The following PPP1R2 variants were observed in gnomAD, a reference collection of about 807,000 sequenced individuals.
PPP1R2 encodes protein phosphatase 1 regulatory inhibitor subunit 2, also known as protein phosphatase inhibitor 2.
Under a neutral mutation model 29.9 loss-of-function variants are expected in PPP1R2, and 16 were observed. That is an observed-to-expected ratio of 0.53 (90% CI 0.36 to 0.81). PPP1R2 has a LOEUF of 0.81. PPP1R2 is among the 30% of genes least tolerant of loss of function. The pLI is 0.00. For missense variants in PPP1R2, 197 were observed against 252.7 expected (o/e 0.78, Z 1.49); for synonymous variants, 76 against 91.5 (o/e 0.83, Z 0.96).
At chr3:195,536,363 C>T (rs1017869877) in intron 1 of PPP1R2, among the ~76,000 whole-genome samples, 1 of 150,358 alleles carries the variant, frequency 6.7e-6, no homozygotes, top group Non-Finnish European at 1.5e-5. Context: ...CCAGTGTGTG[C>T]TTTAGCAATA....
intron 1 of PPP1R2, among the ~76,000 whole-genome samples, chr3:195,536,541 A>C (rs1028786028): frequency 2.4e-4 from 36 of 152,036 alleles, no homozygotes; most frequent in Admixed American, 1.8e-3. Context: ...ATTGAATTAA[A>C]AATGACAATT....
At chr3:195,524,594 T>C (rs1422414418) in intron 3 of PPP1R2, among the ~76,000 whole-genome samples, 3 of 152,120 alleles carry the variant, frequency 2.0e-5, no homozygotes, top group African/African-American at 7.2e-5. Flanking sequence ...ACGCTGGTCT[T>C]CCTGCCACCT....
intron 1 of PPP1R2, among the ~76,000 whole-genome samples, chr3:195,533,240 G>A (rs1397140927): frequency 1.3e-5 from 2 of 151,932 alleles, no homozygotes; most frequent in Non-Finnish European, 2.9e-5. Flanking sequence ...AGCTACTCAG[G>A]AGGCTGATGC....
intron 5 of PPP1R2, among the ~76,000 whole-genome samples, chr3:195,517,386 T>TA (rs973129015): frequency 1.3e-5 from 2 of 152,090 alleles, no homozygotes; most frequent in African/African-American, 2.4e-5. Flanking sequence ...CTATAGAACT[T>TA]AGAGATCTGA....
At chr3:195,532,699 G>A (rs1031824217) in intron 1 of PPP1R2, among the ~76,000 whole-genome samples, 4 of 151,786 alleles carry the variant, frequency 2.6e-5, no homozygotes, top group African/African-American at 4.8e-5. Context: ...ACTTATATGC[G>A]GATTTTTTTT....
Position 195,514,993 on chromosome 3 carries a change from T to C in PPP1R2, c.*1903A>G. ...TAAAGTCTTATCCTTTTCTTCACTC[T>C]ATGACAGCTACTTCTACAAAAAAAA... On this transcript the variant is annotated 3_prime_UTR_variant, in exon 6 of 6. Coordinates refer to ENST00000618156, the MANE Select transcript of PPP1R2 (RefSeq NM_006241.8). The C allele has an allele frequency of 4.6e-6, 1 of 218,210 alleles. No individual in the cohort carries two copies. Among genetic ancestry groups the C allele is most frequent in the Non-Finnish European group, 9.3e-6 (1 of 107,520 alleles). The allele number at this position is 218,210 out of a possible 1,614,324, so 13.5% of individuals were successfully genotyped here. A position where few individuals can be genotyped will look rare whatever the true frequency, so the allele number is the denominator to read the frequency against.
chr3:195,523,811 A>C, intron 3 of PPP1R2, 25 bp from the exon 4 acceptor site: 1 of 1,576,192 alleles, frequency 6.3e-7, no homozygotes, highest in East Asian at 2.2e-5. Context: ...TGTACAAAGA[A>C]ATTAACAGTG....
At chr3:195,529,959 C>A (rs1368825553) in intron 1 of PPP1R2, 58 bp from the exon 2 acceptor site, 18 of 1,175,160 alleles carry the variant, frequency 1.5e-5, no homozygotes, top group Non-Finnish European at 2.1e-5. Context: ...ACCTGAATAT[C>A]AAAATTCACA....
At chr3:195,542,136 C>A (rs1719620209) in intron 1 of PPP1R2, among the ~76,000 whole-genome samples, 1 of 152,188 alleles carries the variant, frequency 6.6e-6, no homozygotes, top group African/African-American at 2.4e-5. Context: ...TTTCTCCGTG[C>A]ATAAACGCCT....
At chr3:195,538,894 CAACT>C (rs1719489730) in intron 1 of PPP1R2, among the ~76,000 whole-genome samples, 1 of 152,146 alleles carries the variant, frequency 6.6e-6, no homozygotes, top group Non-Finnish European at 1.5e-5. Context: ...CTGAAAATCA[CAACT>C]AATAAAGTTT....
chr3:195,534,217 G>T lies in PPP1R2; in HGVS notation c.123-4316C>A, dbSNP rs116641309. On this transcript the variant is annotated intron_variant, in intron 1 of 5. Transcript: ENST00000618156. ...ACACCTGCAGTCCCAGCTACTTGGG[G>T]GTGGCCTGAAGTGGGAGGATCACCT... Among the ~76,000 whole-genome samples the T allele has an allele frequency of 2.5e-3, 381 of 152,214 alleles. 3 individuals are homozygous for T. Among genetic ancestry groups the T allele is most frequent in the African/African-American group, 8.9e-3 (369 of 41,524 alleles).
intron 1 of PPP1R2, among the ~76,000 whole-genome samples, chr3:195,533,072 T>C (rs1719246903): frequency 6.6e-6 from 1 of 152,100 alleles, no homozygotes; most frequent in African/African-American, 2.4e-5. Flanking sequence ...TGCTCTATGA[T>C]GCGGCCAGGC....
intron 5 of PPP1R2, among the ~76,000 whole-genome samples, chr3:195,517,452 T>C (rs1040785201): frequency 3.3e-5 from 5 of 152,194 alleles, no homozygotes; most frequent in Non-Finnish European, 7.3e-5. Context: ...AAGGTACTTA[T>C]TTCCCTAAGT....
At chr3:195,517,580 ATTAAAC>A (rs1010336543) in intron 5 of PPP1R2, among the ~76,000 whole-genome samples, 1 of 152,136 alleles carries the variant, frequency 6.6e-6, no homozygotes, top group Non-Finnish European at 1.5e-5. Context: ...TTAATCCTCC[ATTAAAC>A]TTAAACAAAA....
rs761787695 is a variant in PPP1R2 at position 195,542,954 on chromosome 3, A to G, written c.72T>C (p.Ser24=). The change falls in exon 1 of 6, where the codon TCT becomes TCC. Residue 24 remains serine (S), a synonymous_variant. Coordinates refer to ENST00000618156, the MANE Select transcript of PPP1R2 (RefSeq NM_006241.8). The stretch of plus-strand genomic sequence containing the variant: ...GGGGCTGTTCGGCCGACGCCACCAT[A>G]GAGGAAGTCGTAGAGGTCTTGTTCT... ...ILKNKTSTTS[S]MVASAEQPRG... 1.9e-6 allele frequency: 3 copies of G among 1,603,800 alleles called. No individual in the cohort carries two copies. Among genetic ancestry groups the G allele is most frequent in the Admixed American group, 1.7e-5 (1 of 58,826 alleles).
chr3:195,527,465 A>G (rs1370299395), intron 2 of PPP1R2, among the ~76,000 whole-genome samples: 1 of 151,906 alleles, frequency 6.6e-6, no homozygotes, highest in Non-Finnish European at 1.5e-5. Context: ...AATAAAAAAT[A>G]AAAAATAAAA....
rs1302237613 is a variant in PPP1R2, at chr3:195,516,534, T to C, written c.*362A>G. The stretch of plus-strand genomic sequence containing the variant: ...TCAAATCAATAAACTTTGTAAGAGC[T>C]ACCACATTTCAAGTGATGAAAATAA... On this transcript the variant is annotated 3_prime_UTR_variant, in exon 6 of 6. Transcript: ENST00000618156. The C allele has an allele frequency of 5.2e-6, 1 of 193,742 alleles. No individual in the cohort carries two copies. The highest frequency in any genetic ancestry group is 2.3e-5 in the African/African-American group (1 of 42,922). The allele number at this position is 193,742 out of a possible 1,614,324, so 12.0% of individuals were successfully genotyped here. A position where few individuals can be genotyped will look rare whatever the true frequency, so the allele number is the denominator to read the frequency against.
chr3:195,540,111 C>G (rs1352014409), intron 1 of PPP1R2, among the ~76,000 whole-genome samples: 1 of 152,144 alleles, frequency 6.6e-6, no homozygotes, highest in Non-Finnish European at 1.5e-5. Context: ...TGCAAGTTTA[C>G]CTACTTGCTA....
intron 1 of PPP1R2, among the ~76,000 whole-genome samples, chr3:195,530,180 C>G (rs1336751899): frequency 6.6e-6 from 1 of 152,308 alleles, no homozygotes; most frequent in East Asian, 1.9e-4. Flanking sequence ...CTATGACATG[C>G]TTAGCCTTCA....
Sources: allele counts gnomAD v4.1 joint callset (sites outside exome capture counted in the v4.1 genomes callset), GRCh38; gene constraint gnomAD v4.1.1; transcripts MANE v1.5; gene names NCBI Gene and HGNC (gene_info 2026-07-23, HGNC 2026-07-21).